Variants in ALCAM observed in about 807,000 individuals in gnomAD.
ALCAM encodes the protein CD166 antigen.
Under a neutral mutation model 70.9 loss-of-function variants are expected in ALCAM, and 30 were observed. The observed-to-expected ratio is 0.42, with a 90% CI of 0.32 to 0.57. The LOEUF is 0.57. Among genes scored for constraint, ALCAM ranks in the 20% least tolerant of loss-of-function variants. The pLI is 0.11. For missense variants in ALCAM, 591 were observed against 695.1 expected (o/e 0.85, Z 1.68); for synonymous variants, 249 against 242.5 (o/e 1.03, Z -0.25).
At position 105,429,310 on chromosome 3, in the gene ALCAM, G is replaced by A. The variant is rs576764304; in HGVS notation, c.73+61829G>A. Reference sequence around the variant, plus strand: ...AACAGAAAAGGAATAAAAATGAGAAGCATGTTTTATTAAATGTCTTCTACA... The same window carrying A: ...AACAGAAAAGGAATAAAAATGAGAAACATGTTTTATTAAATGTCTTCTACA... On this transcript the variant is annotated intron_variant, in intron 1 of 15. Transcript: ENST00000306107. Among the ~76,000 whole-genome samples the A allele has an allele frequency of 1.7e-4, 26 of 151,930 alleles. No homozygotes were observed. In the South Asian group the frequency reaches 4.6e-3, roughly 27 times the overall value.
chr3:105,452,295 A>G (rs1261126159), intron 1 of ALCAM, among the ~76,000 whole-genome samples: 4 of 151,476 alleles, frequency 2.6e-5, no homozygotes, highest in Admixed American at 2.0e-4. Context: ...TTCAACTCCC[A>G]CTTATGAGTG....
Position 105,575,470 on chromosome 3 carries a change from C to G in ALCAM, c.*1019C>G, listed in dbSNP as rs958569339. On this transcript the variant is annotated 3_prime_UTR_variant, in exon 16 of 16. Coordinates refer to ENST00000306107, the MANE Select transcript of ALCAM (RefSeq NM_001627.4). ...CAGAATATAGAATATATATTTTTTT[C>G]GTGTGTGTTTTTGTTAACTACCCTA... 6.6e-6 allele frequency: 1 copy of G among 152,332 alleles called. No homozygotes were observed. Among genetic ancestry groups the G allele is most frequent in the Non-Finnish European group, 1.5e-5 (1 of 67,982 alleles). 9.4% of individuals were successfully genotyped at this position (152,332 alleles called of 1,614,324 possible). A position where few individuals can be genotyped will look rare whatever the true frequency, so the allele number is the denominator to read the frequency against.
At chr3:105,400,969 T>A (rs1217899891) in intron 1 of ALCAM, among the ~76,000 whole-genome samples, 11 of 152,206 alleles carry the variant, frequency 7.2e-5, no homozygotes, top group Non-Finnish European at 4.4e-5. Flanking sequence ...GTACACAAAG[T>A]AGGCACTCAA....
At chr3:105,487,951 A>G (rs574851938) in intron 1 of ALCAM, among the ~76,000 whole-genome samples, 4 of 152,266 alleles carry the variant, frequency 2.6e-5, no homozygotes, top group East Asian at 3.9e-4. Flanking sequence ...ATTTTGAAAT[A>G]TGATCTCCAA....
At chr3:105,531,924 G>A in intron 3 of ALCAM, 78 bp from the exon 4 acceptor site, 5 of 1,122,834 alleles carry the variant, frequency 4.5e-6, no homozygotes, top group Non-Finnish European at 6.8e-6. Flanking sequence ...TAAATGAATT[G>A]TTTTTGCTGT....
intron 1 of ALCAM, among the ~76,000 whole-genome samples, chr3:105,487,594 A>G (rs1030962394): frequency 6.6e-6 from 1 of 152,214 alleles, no homozygotes; most frequent in African/African-American, 2.4e-5. Flanking sequence ...TAGGAGGACT[A>G]GAAACAGAAG....
At chr3:105,502,901 A>G (rs113764208) in intron 1 of ALCAM, among the ~76,000 whole-genome samples, 6 of 152,232 alleles carry the variant, frequency 3.9e-5, no homozygotes, top group Admixed American at 1.3e-4. Context: ...TGGATTCCCA[A>G]ATAAATTCAG....
chr3:105,568,035 T>A (rs188354306), intron 14 of ALCAM, among the ~76,000 whole-genome samples: 67 of 147,936 alleles, frequency 4.5e-4, no homozygotes, highest in Admixed American at 1.7e-3. Context: ...TCTTTTATTT[T>A]ATTTTTTTTA....
chr3:105,563,097 C>A (rs1940661786), intron 14 of ALCAM, among the ~76,000 whole-genome samples: 1 of 151,866 alleles, frequency 6.6e-6, no homozygotes, highest in South Asian at 2.1e-4. Flanking sequence ...TGAGTCACAG[C>A]ACCCAGCCAA....
chr3:105,486,426 A>G (rs901007491), intron 1 of ALCAM, among the ~76,000 whole-genome samples: 1 of 152,090 alleles, frequency 6.6e-6, no homozygotes, highest in Admixed American at 6.6e-5. Context: ...TATATTTTCT[A>G]CCTTCCAAAT....
chr3:105,553,907 T>A (rs570788878), intron 14 of ALCAM, among the ~76,000 whole-genome samples: 1 of 152,002 alleles, frequency 6.6e-6, no homozygotes, highest in Admixed American at 6.6e-5. Flanking sequence ...TCACTTGCTT[T>A]ATTTTGTGCC....
At chr3:105,376,323 AAT>A (rs1228581349) in intron 1 of ALCAM, among the ~76,000 whole-genome samples, 2 of 152,170 alleles carry the variant, frequency 1.3e-5, no homozygotes. Context: ...AATTAACCAC[AAT>A]TCCTAGTGAC....
At chr3:105,394,818 T>C (rs1935909224) in intron 1 of ALCAM, among the ~76,000 whole-genome samples, 1 of 151,944 alleles carries the variant, frequency 6.6e-6, no homozygotes. Flanking sequence ...GGCAAACCAA[T>C]GACTATATTT....
chr3:105,550,027 A>G lies in ALCAM; in HGVS notation c.1375-100A>G, dbSNP rs901470842. The G allele has an allele frequency of 7.9e-6, 9 of 1,135,088 alleles. No homozygotes were observed. The African/African-American group carries it at 1.3e-4, about 16-fold the overall frequency. The allele number at this position is 1,135,088 out of a possible 1,614,324, so 70.3% of individuals were successfully genotyped here. Reference sequence around the variant, plus strand: ...TAGCTTTTGAACACCAGAATGCTCTATAGAGCACCACGCCTATCCTATTAC... The same window carrying G: ...TAGCTTTTGAACACCAGAATGCTCTGTAGAGCACCACGCCTATCCTATTAC... On this transcript the variant is annotated intron_variant, in intron 11 of 15. Coordinates refer to ENST00000306107, the MANE Select transcript of ALCAM (RefSeq NM_001627.4).
At chr3:105,571,465 G>A (rs897533846) in intron 14 of ALCAM, among the ~76,000 whole-genome samples, 2 of 152,148 alleles carry the variant, frequency 1.3e-5, no homozygotes, top group Admixed American at 6.6e-5. Context: ...AAGGGAACGC[G>A]CCTTCATGAA....
In ALCAM at chr3:105,517,345, C is replaced by A. The variant is rs147407986; in HGVS notation, c.74-2722C>A. On this transcript the variant is annotated intron_variant, in intron 1 of 15. Coordinates refer to ENST00000306107, the MANE Select transcript of ALCAM (RefSeq NM_001627.4). ...TACTGCCACTCATTCTGCCCTAGGC[C>A]TTATGTCTGTAATTGTTGGCTTTTT... is the stretch of plus-strand genomic sequence containing the variant. Among the ~76,000 whole-genome samples the A allele has an allele frequency of 1.6e-3, 244 of 152,188 alleles. 2 individuals carry two copies. Among genetic ancestry groups the A allele is most frequent in the African/African-American group, 5.7e-3 (237 of 41,548 alleles).
chr3:105,432,262 T>C (rs1445186537), intron 1 of ALCAM, among the ~76,000 whole-genome samples: 1 of 152,174 alleles, frequency 6.6e-6, no homozygotes, highest in East Asian at 1.9e-4. Flanking sequence ...CAAATCCTAT[T>C]TTTTTCTGTA....
rs564174276 is a variant in ALCAM, at chr3:105,395,916, A to G, written c.73+28435A>G. 2.6e-5 allele frequency among the ~76,000 whole-genome samples: 4 copies of G among 152,090 alleles called. No individual in the cohort carries two copies. The East Asian group carries it at 7.8e-4, about 30-fold the overall frequency. On this transcript the variant is annotated intron_variant, in intron 1 of 15. Coordinates refer to ENST00000306107, the MANE Select transcript of ALCAM (RefSeq NM_001627.4). ...TCCTGGATTGAGTTCTCCTCCATTTAATAAACATAGTTTGCCTAGTTCTGA... is the reference window on the plus strand; with the variant it reads ...TCCTGGATTGAGTTCTCCTCCATTTGATAAACATAGTTTGCCTAGTTCTGA...
At chr3:105,496,378 A>G (rs1261479602) in intron 1 of ALCAM, among the ~76,000 whole-genome samples, 1 of 152,184 alleles carries the variant, frequency 6.6e-6, no homozygotes. Context: ...TGTTACAAGA[A>G]GTTACAGAGA....
Sources: gnomAD v4.1 joint callset for allele counts (sites outside exome capture counted in the v4.1 genomes callset) on GRCh38, gnomAD v4.1.1 for gene constraint, MANE v1.5 for transcripts, NCBI Gene and HGNC (gene_info 2026-07-23, HGNC 2026-07-21) for gene names.